Variants in RRAS2 observed in about 807,000 individuals in gnomAD.
The protein encoded by RRAS2 is RAS related 2.
A neutral mutation model predicts 27.6 loss-of-function variants in RRAS2; 7 were observed. The observed-to-expected ratio is 0.25, with a 90% CI of 0.14 to 0.48. The LOEUF is 0.48. Ranked by LOEUF, RRAS2 falls within the 20% of genes least tolerant of loss-of-function variation. The pLI is 0.99. For synonymous variants in RRAS2, 86 were observed against 90.9 expected (o/e 0.95, Z 0.31); for missense variants, 178 against 256.2 (o/e 0.69, Z 2.08).
intron 4 of RRAS2, among the ~76,000 whole-genome samples, chr11:14,283,225 C>G (rs945542513): frequency 6.6e-6 from 1 of 152,164 alleles, no homozygotes; most frequent in Non-Finnish European, 1.5e-5. Flanking sequence ...TATATTGACT[C>G]ACTGTCAAAT....
At chr11:14,349,720 A>G (rs1410250032) in intron 1 of RRAS2, among the ~76,000 whole-genome samples, 2 of 152,188 alleles carry the variant, frequency 1.3e-5, no homozygotes, top group African/African-American at 4.8e-5. Flanking sequence ...ACTAGAGTTC[A>G]ATGTTTCTTT....
intron 1 of RRAS2, chr11:14,356,765 T>C: frequency 2.2e-6 from 1 of 452,260 alleles, no homozygotes; most frequent in South Asian, 1.6e-5. Context: ...CTTCAACAAA[T>C]GATTCTATAA....
upstream of RRAS2, among the ~76,000 whole-genome samples, chr11:14,363,044 A>C (rs1554956307): frequency 1.2e-4 from 19 of 152,390 alleles, no homozygotes; most frequent in Non-Finnish European, 4.4e-5. Context: ...ATATTTAAAA[A>C]TAGGGTATGT....
chr11:14,282,254 G>C (rs1317783907), intron 4 of RRAS2, among the ~76,000 whole-genome samples: 1 of 152,188 alleles, frequency 6.6e-6, no homozygotes, highest in Non-Finnish European at 1.5e-5. Flanking sequence ...CAAGAGGTGA[G>C]GATGGAGAAA....
chr11:14,359,277 C>T, upstream of RRAS2: 5 of 652,882 alleles, frequency 7.7e-6, no homozygotes, highest in Non-Finnish European at 9.5e-6. Flanking sequence ...CGGGAGGTAA[C>T]CCGGGCTTCA....
intron 4 of RRAS2, among the ~76,000 whole-genome samples, chr11:14,282,718 G>A (rs1489836058): frequency 2.0e-5 from 3 of 151,476 alleles, no homozygotes; most frequent in Non-Finnish European, 4.4e-5. Flanking sequence ...ATGTTCTTTT[G>A]GTCATTTTTC....
In RRAS2 at chr11:14,295,759, TTTAC is replaced by T; in HGVS notation, c.196+5_196+8del. 2 of 1,588,642 alleles carry T rather than the reference TTTAC, an allele frequency of 1.3e-6. No homozygotes were observed. Among genetic ancestry groups the T allele is most frequent in the Non-Finnish European group, 1.7e-6 (2 of 1,167,332 alleles). Reference sequence around the variant, plus strand: ...TATGCAAATTATCAAACAAAGGAAGTTTACTTACTATCTAGCCGGGCTGCTCTGT... The same window carrying T: ...TATGCAAATTATCAAACAAAGGAAGTTTACTATCTAGCCGGGCTGCTCTGT... On this transcript the variant is annotated splice_donor_5th_base_variant and intron_variant, in intron 2 of 5. Coordinates refer to ENST00000256196, the MANE Select transcript of RRAS2 (RefSeq NM_012250.6).
chr11:14,308,386 A>G, intron 1 of RRAS2: 1 of 371,166 alleles, frequency 2.7e-6, no homozygotes, highest in Non-Finnish European at 5.2e-6. Context: ...ACAAACAACT[A>G]GCTCAGTGCT....
In RRAS2 at chr11:14,319,345, C is replaced by CTTTTTTTT. The variant is rs1156654694; in HGVS notation, c.109-23498_109-23491dup. On this transcript the variant is annotated intron_variant, in intron 1 of 5. Transcript: ENST00000256196. ...TATTAACTATTCAGGTTCCCTCTGT[C>CTTTTTTTT]TTTTTTTTTTTTTTTTTTTTTTTTG... Among the ~76,000 whole-genome samples the CTTTTTTTT allele has an allele frequency of 2.0e-3, 184 of 91,528 alleles. 2 individuals are homozygous for CTTTTTTTT. Among genetic ancestry groups the CTTTTTTTT allele is most frequent in the East Asian group, 5.4e-3 (14 of 2,584 alleles). 60.0% of individuals were successfully genotyped at this position (91,528 alleles called of 152,430 possible).
At chr11:14,320,768 A>T (rs1284832345) in intron 1 of RRAS2, among the ~76,000 whole-genome samples, 1 of 152,244 alleles carries the variant, frequency 6.6e-6, no homozygotes, top group Non-Finnish European at 1.5e-5. Flanking sequence ...AACTTAAGTC[A>T]AAATTCATTG....
intron 1 of RRAS2, among the ~76,000 whole-genome samples, chr11:14,304,745 A>G (rs1222514479): frequency 6.6e-6 from 1 of 152,218 alleles, no homozygotes; most frequent in Non-Finnish European, 1.5e-5. Context: ...ACAAGAGCAG[A>G]GCAAATTCCT....
chr11:14,297,951 C>T (rs2133966345), intron 1 of RRAS2, among the ~76,000 whole-genome samples: 1 of 149,400 alleles, frequency 6.7e-6, no homozygotes, highest in Admixed American at 6.7e-5. Context: ...CACTCCATCA[C>T]CATTTAAAAA....
chr11:14,318,828 TTAAG>T (rs1848166471), intron 1 of RRAS2, among the ~76,000 whole-genome samples: 1 of 152,248 alleles, frequency 6.6e-6, no homozygotes, highest in Non-Finnish European at 1.5e-5. Flanking sequence ...TTTACAAAAC[TTAAG>T]TATTAAACTT....
intron 4 of RRAS2, among the ~76,000 whole-genome samples, chr11:14,291,664 G>A (rs1405159553): frequency 6.6e-6 from 1 of 151,126 alleles, no homozygotes; most frequent in Non-Finnish European, 1.5e-5. Context: ...TTTACCCTGA[G>A]AATCTATTAC....
chr11:14,359,670 G>C (rs1349497579), upstream of RRAS2, among the ~76,000 whole-genome samples: 1 of 152,180 alleles, frequency 6.6e-6, no homozygotes, highest in Non-Finnish European at 1.5e-5. Context: ...GTCAGTGATT[G>C]AGCTTGCATG....
chr11:14,331,060 G>A (rs563266526), intron 1 of RRAS2, among the ~76,000 whole-genome samples: 1 of 152,282 alleles, frequency 6.6e-6, no homozygotes, highest in Admixed American at 6.5e-5. Flanking sequence ...GGGATTACAG[G>A]CATGAGCCAC....
chr11:14,361,021 C>T (rs1849184937), upstream of RRAS2, among the ~76,000 whole-genome samples: 5 of 150,918 alleles, frequency 3.3e-5, no homozygotes, highest in South Asian at 8.4e-4. Context: ...TGTAGTGGCT[C>T]ACGCCTGTAA....
At chr11:14,328,983 A>G (rs186500563) in intron 1 of RRAS2, among the ~76,000 whole-genome samples, 6 of 110,936 alleles carry the variant, frequency 5.4e-5, no homozygotes, top group African/African-American at 1.6e-4. Flanking sequence ...AATTTTATAT[A>G]TATGTGTGTG....
At chr11:14,281,566 T>A (rs1554944306) in intron 5 of RRAS2, 36 bp downstream of exon 5, 1 of 1,475,872 alleles carries the variant, frequency 6.8e-7, no homozygotes, top group Non-Finnish European at 9.2e-7. Flanking sequence ...TAATAGTAAT[T>A]TATTAAAACA....
Sources: allele counts gnomAD v4.1 joint callset (sites outside exome capture counted in the v4.1 genomes callset), GRCh38; gene constraint gnomAD v4.1.1; transcripts MANE v1.5; gene names NCBI Gene and HGNC (gene_info 2026-07-23, HGNC 2026-07-21).